The following ODAD2 variants were observed in gnomAD, a reference collection of about 807,000 sequenced individuals.
ODAD2 encodes the protein outer dynein arm-docking complex subunit 2.
ODAD2 carries 89 observed loss-of-function variants against 106.8 expected under a neutral mutation model. The ratio of observed to expected loss-of-function variants is 0.83; its 90% CI spans 0.70 to 0.99. The LOEUF (loss-of-function observed/expected upper bound fraction) is 0.99, where lower values mean the gene tolerates loss of function less well. Ranked by LOEUF, ODAD2 falls within the 50% of genes least tolerant of loss-of-function variation. The pLI is 0.00. For synonymous variants in ODAD2, 404 were observed against 436.2 expected (o/e 0.93, Z 0.92); for missense variants, 1,168 against 1,238.5 (o/e 0.94, Z 0.85).
In ODAD2 at chr10:27,995,092, T is replaced by C; in HGVS notation, c.51A>G (p.Gly17=). ...KLTQWTAAGH[G]TGILEITPLN... ...GAGGGGTGATTTCGAGGATTCCAGTTCCATGTCCGGCAGCAGTCCACTGCG... is the reference window on the plus strand; with the variant it reads ...GAGGGGTGATTTCGAGGATTCCAGTCCCATGTCCGGCAGCAGTCCACTGCG... The change falls in exon 2 of 20, where the codon GGA becomes GGG. Residue 17 remains glycine (G), a synonymous_variant. Transcript: ENST00000305242. The C allele has an allele frequency of 6.2e-7, 1 of 1,614,118 alleles. No individual in the cohort carries two copies. The highest frequency in any genetic ancestry group is 8.5e-7 in the Non-Finnish European group (1 of 1,180,028).
At chr10:27,916,349 G>A (rs1377032264) in intron 16 of ODAD2, among the ~76,000 whole-genome samples, 1 of 152,152 alleles carries the variant, frequency 6.6e-6, no homozygotes, top group East Asian at 1.9e-4. Flanking sequence ...GGTGAAGAGA[G>A]CATCTGCAAA....
chr10:27,940,415 G>A (rs979898091), intron 13 of ODAD2, 148 bp downstream of exon 13: 18 of 816,324 alleles, frequency 2.2e-5, no homozygotes, highest in South Asian at 5.5e-5. Context: ...TTTAATTAAC[G>A]TCCTATCAGT....
chr10:27,859,404 T>C lies in ODAD2; in HGVS notation c.3021+1221A>G, dbSNP rs532793300. On this transcript the variant is annotated intron_variant, in intron 19 of 19. Transcript: ENST00000305242. ...CAGAAAAATTAACATCATATTCTTC[T>C]ACTGGAATAGATTTCAAGAATTAAT... is the stretch of plus-strand genomic sequence containing the variant. 5.3e-5 allele frequency among the ~76,000 whole-genome samples: 8 copies of C among 152,306 alleles called. No homozygotes were observed. The East Asian group carries it at 1.5e-3, about 29-fold the overall frequency.
intron 16 of ODAD2, among the ~76,000 whole-genome samples, chr10:27,919,964 A>C (rs1447361943): frequency 6.6e-6 from 1 of 152,192 alleles, no homozygotes; most frequent in Admixed American, 6.5e-5. Flanking sequence ...ACAAAATGTC[A>C]GATAAAACAC....
At chr10:27,901,024 A>G (rs1380500592) in intron 17 of ODAD2, among the ~76,000 whole-genome samples, 1 of 152,214 alleles carries the variant, frequency 6.6e-6, no homozygotes, top group African/African-American at 2.4e-5. Flanking sequence ...AGATTCAGCA[A>G]GATTGAAATG....
chr10:27,923,925 T>C (rs1257471417), intron 16 of ODAD2, among the ~76,000 whole-genome samples: 5 of 132,496 alleles, frequency 3.8e-5, no homozygotes, highest in South Asian at 2.4e-4. Flanking sequence ...TTCCAGGTGA[T>C]AGAGAGAGAC....
chr10:27,877,577 C>G (rs921332924), intron 17 of ODAD2, among the ~76,000 whole-genome samples: 1 of 152,068 alleles, frequency 6.6e-6, no homozygotes, highest in Non-Finnish European at 1.5e-5. Context: ...CGTCTTGCCT[C>G]GCATAGTTTC....
intron 10 of ODAD2, among the ~76,000 whole-genome samples, chr10:27,949,712 T>A (rs557997277): frequency 6.6e-6 from 1 of 152,202 alleles, no homozygotes; most frequent in Non-Finnish European, 1.5e-5. Context: ...TACAATGATG[T>A]CATTTATAAA....
intron 10 of ODAD2, among the ~76,000 whole-genome samples, chr10:27,948,104 T>C (rs1472090795): frequency 6.6e-6 from 1 of 152,206 alleles, no homozygotes; most frequent in Non-Finnish European, 1.5e-5. Context: ...TATAGCTTTT[T>C]GAAGTATCTC....
rs149631728 is a variant in ODAD2, at chr10:27,908,473, G to A, written c.2496-696C>T. On this transcript the variant is annotated intron_variant, in intron 16 of 19. Coordinates refer to ENST00000305242, the MANE Select transcript of ODAD2 (RefSeq NM_018076.5). ...TCAATCAGTCCAGGAGCATAACCTC[G>A]CAGTAAGGTCCATTGGGTACTCACA... is the stretch of plus-strand genomic sequence containing the variant. 3.6e-3 allele frequency among the ~76,000 whole-genome samples: 542 copies of A among 152,144 alleles called. 3 individuals are homozygous for A. The highest frequency in any genetic ancestry group is 0.012 in the African/African-American group (506 of 41,510).
chr10:27,915,049 C>T (rs182739555), intron 16 of ODAD2, among the ~76,000 whole-genome samples: 9 of 151,984 alleles, frequency 5.9e-5, no homozygotes, highest in Non-Finnish European at 2.9e-5. Context: ...CACAATCTTC[C>T]CCCAAATTGA....
chr10:27,833,354 C>T (rs1220653795), intron 19 of ODAD2, among the ~76,000 whole-genome samples: 1 of 144,894 alleles, frequency 6.9e-6, no homozygotes, highest in Non-Finnish European at 1.5e-5. Flanking sequence ...TATTTATCAC[C>T]TTACTTTTCC....
intron 7 of ODAD2, among the ~76,000 whole-genome samples, chr10:27,976,359 T>C (rs2133047420): frequency 6.6e-6 from 1 of 152,154 alleles, no homozygotes; most frequent in Non-Finnish European, 1.5e-5. Flanking sequence ...TAGAAAACCC[T>C]CTGGAATGTA....
At chr10:27,987,106 G>T (rs539088220) in intron 3 of ODAD2, among the ~76,000 whole-genome samples, 4 of 152,316 alleles carry the variant, frequency 2.6e-5, no homozygotes, top group African/African-American at 9.6e-5. Flanking sequence ...AAGCTGAGAA[G>T]GTTCTCTTTC....
intron 10 of ODAD2, among the ~76,000 whole-genome samples, chr10:27,958,626 G>C (rs572900819): frequency 2.0e-5 from 3 of 152,178 alleles, no homozygotes; most frequent in Admixed American, 1.3e-4. Context: ...ACCTGCACGA[G>C]TCAGTTAAGT....
intron 19 of ODAD2, among the ~76,000 whole-genome samples, chr10:27,823,230 C>A (rs1333391872): frequency 1.3e-5 from 2 of 152,070 alleles, no homozygotes; most frequent in Non-Finnish European, 2.9e-5. Flanking sequence ...AATATTGGCA[C>A]ACATAGGGGC....
At chr10:27,982,281 G>A (rs1467355877) in intron 6 of ODAD2, among the ~76,000 whole-genome samples, 1 of 151,942 alleles carries the variant, frequency 6.6e-6, no homozygotes, top group Non-Finnish European at 1.5e-5. Context: ...TGACCAGTGT[G>A]TTTTAAACTT....
At chr10:27,852,578 T>G (rs1839339437) in intron 19 of ODAD2, among the ~76,000 whole-genome samples, 1 of 151,956 alleles carries the variant, frequency 6.6e-6, no homozygotes, top group African/African-American at 2.4e-5. Context: ...GATAAAATAT[T>G]CAAATAATCC....
chr10:27,862,012 T>C (rs564943887), intron 18 of ODAD2, among the ~76,000 whole-genome samples: 23 of 152,316 alleles, frequency 1.5e-4, no homozygotes, highest in Middle Eastern at 3.4e-3. Context: ...AATGAAATGA[T>C]TGCCAAAGTC....
Sources: allele counts gnomAD v4.1 joint callset (sites outside exome capture counted in the v4.1 genomes callset), GRCh38; gene constraint gnomAD v4.1.1; transcripts MANE v1.5; gene names NCBI Gene and HGNC (gene_info 2026-07-23, HGNC 2026-07-21).